Variants in LEMD3 observed in about 807,000 individuals in gnomAD.
LEMD3 encodes LEM domain containing 3.
LEMD3 carries 33 observed loss-of-function variants against 95.2 expected under a neutral mutation model. The ratio of observed to expected loss-of-function variants is 0.35; its 90% CI spans 0.26 to 0.46. The LOEUF is 0.46. LEMD3 is among the 20% of genes least tolerant of loss of function. LEMD3 has a pLI of 1.00. For synonymous variants in LEMD3, 525 were observed against 474.6 expected (o/e 1.11, Z -1.38); for missense variants, 1,210 against 1,192.8 (o/e 1.01, Z -0.21).
intron 2 of LEMD3, among the ~76,000 whole-genome samples, chr12:65,213,169 AT>A (rs1236717792): frequency 3.3e-5 from 5 of 152,174 alleles, no homozygotes; most frequent in African/African-American, 1.2e-4. Context: ...TTAGTTGGTC[AT>A]TTGGATAGCA....
chr12:65,246,453 A>C lies in LEMD3; in HGVS notation c.*128A>C. On this transcript the variant is annotated 3_prime_UTR_variant, in exon 13 of 13. Transcript: ENST00000308330. ...TGATGAATACATCTCTGAACGTTCC[A>C]GAAGTCTTAAGGTTCCAAAGGGATT... The C allele has an allele frequency of 1.3e-6, 1 of 766,678 alleles. No homozygotes were observed. The allele number at this position is 766,678 out of a possible 1,614,324, so 47.5% of individuals were successfully genotyped here. A position where few individuals can be genotyped will look rare whatever the true frequency, so the allele number is the denominator to read the frequency against.
intron 4 of LEMD3, among the ~76,000 whole-genome samples, chr12:65,219,887 A>G (rs113403565): frequency 1.8e-4 from 28 of 152,062 alleles, no homozygotes; most frequent in Non-Finnish European, 3.8e-4. Context: ...TACTTCCTTC[A>G]TTTTTTAAGG....
chr12:65,171,068 C>T lies in LEMD3; in HGVS notation c.1472C>T (p.Thr491Ile). ...TTATTTTTCCTAATACTGGGACTGA[C>T]TTACCTAGGAATGAGAGGGACAGGA... Reference protein sequence around the residue: ...ACLFFLILGLTYLGMRGTGVS... With the variant: ...ACLFFLILGLIYLGMRGTGVS... The change falls in exon 1 of 13, where the codon ACT becomes ATT. Residue 491 changes from threonine (T) to isoleucine (I), a missense_variant. Around this residue, in one of 2 missense-constraint regions of LEMD3, gnomAD observed 461 missense variants for 569.8 expected, o/e 0.81. Coordinates refer to ENST00000308330, the MANE Select transcript of LEMD3 (RefSeq NM_014319.5). 6.2e-7 allele frequency: 1 copy of T among 1,613,954 alleles called. No individual in the cohort carries two copies. The highest frequency in any genetic ancestry group is 2.2e-5 in the East Asian group (1 of 44,888).
At chr12:65,175,354 A>G (rs1054388277) in intron 1 of LEMD3, among the ~76,000 whole-genome samples, 1 of 152,118 alleles carries the variant, frequency 6.6e-6, no homozygotes, top group Non-Finnish European at 1.5e-5. Context: ...CATTCTAAAA[A>G]TGTTGCTCTT....
At chr12:65,202,989 C>G (rs1869651289) in intron 1 of LEMD3, among the ~76,000 whole-genome samples, 1 of 152,028 alleles carries the variant, frequency 6.6e-6, no homozygotes, top group Non-Finnish European at 1.5e-5. Context: ...TTCAAGGAAC[C>G]AGCTTCTGGT....
At chr12:65,238,634 T>C (rs1322586728) in intron 5 of LEMD3, 35 bp from the exon 6 acceptor site, 1 of 1,613,694 alleles carries the variant, frequency 6.2e-7, no homozygotes, top group African/African-American at 1.3e-5. Context: ...AAATGGTTTT[T>C]GACTTTAAAT....
At position 65,246,623 on chromosome 12, in the gene LEMD3, C is replaced by A; in HGVS notation, c.*298C>A. ...CAGATGTGGTGGTTGTATTTTTGCC[C>A]CAAGAAGTGTTTGGATAACCACACA... On this transcript the variant is annotated 3_prime_UTR_variant, in exon 13 of 13. Coordinates refer to ENST00000308330, the MANE Select transcript of LEMD3 (RefSeq NM_014319.5). The A allele has an allele frequency of 2.8e-6, 1 of 357,794 alleles. No homozygotes were observed. The highest frequency in any genetic ancestry group is 5.2e-6 in the Non-Finnish European group (1 of 192,174). 22.2% of individuals were successfully genotyped at this position (357,794 alleles called of 1,614,324 possible). A position where few individuals can be genotyped will look rare whatever the true frequency, so the allele number is the denominator to read the frequency against.
At chr12:65,202,537 T>C (rs1028051872) in intron 1 of LEMD3, among the ~76,000 whole-genome samples, 1 of 152,156 alleles carries the variant, frequency 6.6e-6, no homozygotes, top group African/African-American at 2.4e-5. Flanking sequence ...ATGAGAGATA[T>C]TGGTCTGAAG....
chr12:65,223,011 G>A (rs1870338763), intron 4 of LEMD3, among the ~76,000 whole-genome samples: 1 of 152,062 alleles, frequency 6.6e-6, no homozygotes, highest in Admixed American at 6.5e-5. Flanking sequence ...TACTTGGTAT[G>A]ATTTCGGTCG....
intron 1 of LEMD3, among the ~76,000 whole-genome samples, chr12:65,177,039 T>C (rs1868741404): frequency 1.3e-5 from 2 of 152,194 alleles, no homozygotes; most frequent in South Asian, 4.1e-4. Context: ...CTAAGAAACA[T>C]ACAGGATATT....
intron 4 of LEMD3, among the ~76,000 whole-genome samples, chr12:65,220,426 G>C (rs1870248350): frequency 6.6e-6 from 1 of 152,086 alleles, no homozygotes; most frequent in Admixed American, 6.5e-5. Flanking sequence ...TATTTATTTT[G>C]TTATTGAATT....
intron 4 of LEMD3, among the ~76,000 whole-genome samples, chr12:65,220,194 A>G (rs1351335804): frequency 2.6e-5 from 4 of 152,166 alleles, no homozygotes; most frequent in South Asian, 4.1e-4. Context: ...GTTTCTGCCT[A>G]TCCTTAACAC....
At chr12:65,227,876 T>C (rs1213923232) in intron 4 of LEMD3, among the ~76,000 whole-genome samples, 2 of 151,382 alleles carry the variant, frequency 1.3e-5, no homozygotes, top group Admixed American at 6.6e-5. Context: ...AAAAAAAGAC[T>C]GTACAAATTT....
chr12:65,178,719 A>G (rs143146112), intron 1 of LEMD3, among the ~76,000 whole-genome samples: 253 of 151,678 alleles, frequency 1.7e-3, no homozygotes, highest in African/African-American at 5.9e-3. Flanking sequence ...GGAGACACTG[A>G]GAAGTAACTC....
chr12:65,218,598 A>G lies in LEMD3; in HGVS notation c.1674A>G (p.Gln558=). Residue 558 remains glutamine (Q), a synonymous_variant, in exon 4 of 13, where the codon CAA becomes CAG. Coordinates refer to ENST00000308330, the MANE Select transcript of LEMD3 (RefSeq NM_014319.5). The stretch of plus-strand genomic sequence containing the variant: ...CTAGTCAAAGAACGCTTTCTGTTCA[A>G]GAGGCAGCTGCGTATTTAAAAGTAA... ...GSSSQRTLSV[Q]EAAAYLKDLG... is the part of the protein sequence containing the mutation. The G allele has an allele frequency of 1.2e-6, 2 of 1,604,700 alleles. No individual in the cohort carries two copies. The highest frequency in any genetic ancestry group is 2.2e-5 in the South Asian group (2 of 90,140).
In LEMD3 at chr12:65,218,569, A is replaced by T. The variant is rs1470394943; in HGVS notation, c.1645A>T (p.Ser549Cys). ...AQLAGDHECG[S>C]SSQRTLSVQE... ...CTTTCCAGGAGATCATGAATGTGGCAGTTCTAGTCAAAGAACGCTTTCTGT... is the reference window on the plus strand; with the variant it reads ...CTTTCCAGGAGATCATGAATGTGGCTGTTCTAGTCAAAGAACGCTTTCTGT... Residue 549 changes from serine to cysteine, a missense_variant, in exon 4 of 13, where the codon AGT (serine) becomes TGT (cysteine). This residue lies in a region of LEMD3 where 461 missense variants were observed against 569.8 expected (regional missense o/e 0.81). Coordinates refer to ENST00000308330, the MANE Select transcript of LEMD3 (RefSeq NM_014319.5). 2 of 1,605,502 alleles carry T rather than the reference A, an allele frequency of 1.2e-6. No homozygotes were observed. Among genetic ancestry groups the T allele is most frequent in the African/African-American group, 2.7e-5 (2 of 74,758 alleles).
Position 65,170,752 on chromosome 12 carries a change from C to T in LEMD3, c.1156C>T (p.Leu386Phe), listed in dbSNP as rs554852726. 37 of 1,614,250 alleles carry T rather than the reference C, an allele frequency of 2.3e-5. No homozygotes were observed. The South Asian group carries it at 3.6e-4, about 16-fold the overall frequency. The change falls in exon 1 of 13, where the codon CTT (leucine) becomes TTT (phenylalanine). Residue 386 changes from leucine to phenylalanine, a missense_variant. Physicochemically the swap from Leu to Phe is conservative, Grantham distance 22. Coordinates refer to ENST00000308330, the MANE Select transcript of LEMD3 (RefSeq NM_014319.5). Reference protein sequence around the residue: ...DSTLDSSTGSLLKTNNHIGGG... With the variant: ...DSTLDSSTGSFLKTNNHIGGG... ...AACCTTGGATTCGTCAACAGGCTCC[C>T]TTCTGAAAACCAATAATCATATTGG...
intron 4 of LEMD3, among the ~76,000 whole-genome samples, chr12:65,221,179 CTTT>C (rs34468551): frequency 5.7e-5 from 7 of 123,354 alleles, no homozygotes; most frequent in Non-Finnish European, 8.7e-5. Flanking sequence ...TTTCATTCAG[CTTT>C]TTTTTTTTTT....
chr12:65,200,511 G>A (rs769205539), intron 1 of LEMD3, among the ~76,000 whole-genome samples: 29 of 152,038 alleles, frequency 1.9e-4, no homozygotes, highest in Non-Finnish European at 3.2e-4. Flanking sequence ...CACTGCATTC[G>A]TGATGTCAGT....
Sources: gnomAD v4.1 joint callset for allele counts (sites outside exome capture counted in the v4.1 genomes callset) on GRCh38, gnomAD v4.1.1 for gene constraint, gnomAD v4.1.1 regional missense constraint, MANE v1.5 for transcripts, NCBI Gene and HGNC (gene_info 2026-07-23, HGNC 2026-07-21) for gene names.